The following SGCG variants were observed in gnomAD, a reference collection of about 807,000 sequenced individuals.
The protein encoded by SGCG is gamma-sarcoglycan.
Under a neutral mutation model 29.3 loss-of-function variants are expected in SGCG, and 26 were observed. The ratio of observed to expected loss-of-function variants is 0.89; its 90% CI spans 0.65 to 1.23. SGCG has a LOEUF of 1.23. SGCG is among the 50% of genes most tolerant of loss of function. The probability of loss-of-function intolerance (pLI) is 0.00; values close to 1 mark genes in which losing one functional copy is unlikely to be tolerated. For synonymous variants in SGCG, 145 were observed against 129.7 expected (o/e 1.12, Z -0.80); for missense variants, 353 against 356.0 (o/e 0.99, Z 0.07).
At chr13:23,287,736 G>T (rs1239085426) in intron 5 of SGCG, among the ~76,000 whole-genome samples, 1 of 126,698 alleles carries the variant, frequency 7.9e-6, no homozygotes, top group African/African-American at 2.7e-5. Context: ...TTATGACCAG[G>T]GTTTTTTGTT....
intron 1 of SGCG, among the ~76,000 whole-genome samples, chr13:23,199,230 T>C (rs1877644923): frequency 6.6e-6 from 1 of 152,242 alleles, no homozygotes; most frequent in South Asian, 2.1e-4. Context: ...TAAATTTTGT[T>C]CATGATACAT....
intron 5 of SGCG, among the ~76,000 whole-genome samples, chr13:23,294,345 G>T (rs7985608): frequency 0.091 from 13,789 of 152,232 alleles, 683 homozygotes; most frequent in South Asian, 0.13. Flanking sequence ...TAATGTGAAA[G>T]ATACGTTTGT....
At chr13:23,281,253 T>C (rs914104901) in intron 5 of SGCG, among the ~76,000 whole-genome samples, 1 of 151,916 alleles carries the variant, frequency 6.6e-6, no homozygotes, top group Admixed American at 6.6e-5. Flanking sequence ...GGTGGGAGGA[T>C]CACCTGAGCC....
intron 6 of SGCG, among the ~76,000 whole-genome samples, chr13:23,315,602 C>T (rs4769262): frequency 0.19 from 28,949 of 152,180 alleles, 3,341 homozygotes; most frequent in Non-Finnish European, 0.25. Flanking sequence ...GCACTACAGC[C>T]CCTTTCTAGG....
At chr13:23,176,446 T>A (rs762375101), upstream of SGCG, among the ~76,000 whole-genome samples, 65 of 152,212 alleles carry the variant, frequency 4.3e-4, 1 homozygote, top group Admixed American at 1.6e-3. Context: ...ATATTTATAA[T>A]TGCTATATTT....
At chr13:23,261,562 C>A (rs1464759083) in intron 4 of SGCG, among the ~76,000 whole-genome samples, 2 of 151,998 alleles carry the variant, frequency 1.3e-5, no homozygotes, top group South Asian at 2.1e-4. Context: ...AAAGAAAAAA[C>A]AAAATGTTTG....
chr13:23,263,566 C>G (rs1880526907), intron 4 of SGCG, among the ~76,000 whole-genome samples: 1 of 150,886 alleles, frequency 6.6e-6, no homozygotes, highest in Non-Finnish European at 1.5e-5. Flanking sequence ...AGAAAGAAAT[C>G]CTCCCTAACT....
At chr13:23,197,413 A>T (rs1877557466) in intron 1 of SGCG, among the ~76,000 whole-genome samples, 1 of 152,202 alleles carries the variant, frequency 6.6e-6, no homozygotes, top group South Asian at 2.1e-4. Flanking sequence ...ACAGTTTTTG[A>T]AACTGTGGAA....
At chr13:23,252,462 T>C (rs1880004585) in intron 4 of SGCG, among the ~76,000 whole-genome samples, 2 of 151,714 alleles carry the variant, frequency 1.3e-5, no homozygotes, top group Non-Finnish European at 2.9e-5. Context: ...GAGGCCGAGG[T>C]GGGTGGATCA....
In SGCG at chr13:23,314,121, ATATC is replaced by A. The variant is rs1566044247; in HGVS notation, c.579-6512_579-6509del. Reference sequence around the variant, plus strand: ...AATAAACTCCCCTTTATATATATCTATATCTATATATCTATATCTGTATCTATAT... The same window carrying A: ...AATAAACTCCCCTTTATATATATCTATATATATCTATATCTGTATCTATAT... On this transcript the variant is annotated intron_variant, in intron 6 of 7. Coordinates refer to ENST00000218867, the MANE Select transcript of SGCG (RefSeq NM_000231.3). Among the ~76,000 whole-genome samples, 10 of 150,398 alleles carry A rather than the reference ATATC, an allele frequency of 6.6e-5. 1 individual carries two copies.
intron 6 of SGCG, among the ~76,000 whole-genome samples, chr13:23,316,711 G>A (rs990706331): frequency 3.3e-5 from 5 of 152,154 alleles, no homozygotes; most frequent in African/African-American, 9.7e-5. Flanking sequence ...TTTGCTTCCT[G>A]TTCCTGCGAC....
intron 3 of SGCG, chr13:23,244,761 A>G (rs1321566497): frequency 2.6e-5 from 4 of 152,216 alleles, no homozygotes; most frequent in African/African-American, 7.2e-5. Flanking sequence ...GACTTCTCCA[A>G]GGCGCTTTGA....
intron 6 of SGCG, among the ~76,000 whole-genome samples, chr13:23,319,269 T>C (rs1484283254): frequency 1.4e-5 from 2 of 147,682 alleles, no homozygotes; most frequent in East Asian, 2.0e-4. Context: ...CTGTATTCTC[T>C]AGCCTGGGTG....
At chr13:23,269,298 A>T (rs1880765724) in intron 4 of SGCG, 1 of 152,242 alleles carries the variant, frequency 6.6e-6, no homozygotes, top group South Asian at 2.1e-4. Flanking sequence ...GTTTGTAAAA[A>T]GATAAAGGGA....
intron 2 of SGCG, among the ~76,000 whole-genome samples, chr13:23,207,942 T>C (rs1878043637): frequency 6.6e-6 from 1 of 152,146 alleles, no homozygotes. Context: ...ACAATTCCAC[T>C]TTTAGGTATT....
chr13:23,314,910 C>T (rs1882750565), intron 6 of SGCG, among the ~76,000 whole-genome samples: 1 of 152,176 alleles, frequency 6.6e-6, no homozygotes, highest in Non-Finnish European at 1.5e-5. Flanking sequence ...GGGTGTGTTA[C>T]TTCGGCCCAT....
chr13:23,191,126 C>T (rs146520892), intron 1 of SGCG, among the ~76,000 whole-genome samples: 2,448 of 152,292 alleles, frequency 0.016, 29 homozygotes, highest in Non-Finnish European at 0.02. Flanking sequence ...AAATCATCTT[C>T]TTCATTTGAC....
At chr13:23,209,376 C>A (rs1186044221) in intron 2 of SGCG, among the ~76,000 whole-genome samples, 2 of 152,152 alleles carry the variant, frequency 1.3e-5, no homozygotes, top group East Asian at 3.8e-4. Flanking sequence ...AGAAAGTAAA[C>A]CCTTGCTAGA....
At chr13:23,302,924 C>T (rs372778831) in intron 6 of SGCG, among the ~76,000 whole-genome samples, 5 of 152,164 alleles carry the variant, frequency 3.3e-5, no homozygotes, top group Admixed American at 2.0e-4. Flanking sequence ...AGTCACTCTA[C>T]GTTCTGAACT....
Sources: allele counts gnomAD v4.1 joint callset (sites outside exome capture counted in the v4.1 genomes callset), GRCh38; gene constraint gnomAD v4.1.1; transcripts MANE v1.5; gene names NCBI Gene and HGNC (gene_info 2026-07-23, HGNC 2026-07-21).